Variants in VPS50 observed in about 807,000 individuals in gnomAD.
VPS50 encodes VPS50 subunit of EARP/GARPII complex, also known as syndetin.
In VPS50, 70 loss-of-function variants were observed where a neutral mutation model predicts 139.7. The observed-to-expected ratio is 0.50, with a 90% confidence interval of 0.41 to 0.61. VPS50 has a LOEUF of 0.61. VPS50 is among the 20% of genes least tolerant of loss of function. The pLI, the probability that VPS50 is intolerant of heterozygous loss-of-function variation, is 0.00. For synonymous variants in VPS50, 365 were observed against 376.7 expected (o/e 0.97, Z 0.36); for missense variants, 921 against 1,133.7 (o/e 0.81, Z 2.69).
chr7:93,314,154 T>C (rs1307070137), intron 20 of VPS50, among the ~76,000 whole-genome samples: 1 of 152,224 alleles, frequency 6.6e-6, no homozygotes, highest in African/African-American at 2.4e-5. Context: ...GCAGAGGTCA[T>C]GCTTCTTCCT....
chr7:93,354,231 T>G (rs915073797), intron 26 of VPS50, among the ~76,000 whole-genome samples: 5 of 152,110 alleles, frequency 3.3e-5, no homozygotes, highest in African/African-American at 1.2e-4. Context: ...GTTAGGTAAC[T>G]TATCTAAGTT....
intron 12 of VPS50, among the ~76,000 whole-genome samples, chr7:93,282,447 G>A (rs1036930716): frequency 6.6e-6 from 1 of 152,094 alleles, no homozygotes; most frequent in Admixed American, 6.5e-5. Flanking sequence ...AAATGAAATT[G>A]CATTGTCTGT....
intron 21 of VPS50, among the ~76,000 whole-genome samples, chr7:93,325,322 T>C (rs996824033): frequency 1.1e-4 from 17 of 152,212 alleles, no homozygotes; most frequent in South Asian, 6.2e-4. Context: ...AAGACTTAAA[T>C]GTTAGACCTA....
intron 9 of VPS50, among the ~76,000 whole-genome samples, chr7:93,268,192 C>A (rs1055306445): frequency 1.3e-5 from 2 of 152,152 alleles, no homozygotes; most frequent in African/African-American, 4.8e-5. Context: ...TGAAGTTAGA[C>A]CCCTGCTCAG....
intron 3 of VPS50, among the ~76,000 whole-genome samples, chr7:93,253,497 G>C (rs1456095915): frequency 6.6e-6 from 1 of 152,248 alleles, no homozygotes; most frequent in Non-Finnish European, 1.5e-5. Flanking sequence ...GTGGATGGTA[G>C]AGTTGGGGTT....
chr7:93,256,071 C>T (rs988249364), intron 4 of VPS50, among the ~76,000 whole-genome samples: 23 of 152,290 alleles, frequency 1.5e-4, no homozygotes, highest in Non-Finnish European at 2.5e-4. Context: ...ACTTGCTTGT[C>T]TTCTTAGGCA....
intron 9 of VPS50, among the ~76,000 whole-genome samples, chr7:93,265,694 A>G (rs1034290591): frequency 2.0e-5 from 3 of 152,012 alleles, no homozygotes; most frequent in African/African-American, 7.3e-5. Context: ...CCTCCTGAGT[A>G]GCTGGGACTA....
intron 20 of VPS50, among the ~76,000 whole-genome samples, chr7:93,322,143 G>T (rs1187323035): frequency 6.6e-6 from 1 of 152,144 alleles, no homozygotes; most frequent in African/African-American, 2.4e-5. Context: ...ATTTGTATTT[G>T]TGTTTCTCTT....
chr7:93,268,832 G>A (rs143171908), intron 9 of VPS50, among the ~76,000 whole-genome samples: 1 of 152,266 alleles, frequency 6.6e-6, no homozygotes, highest in African/African-American at 2.4e-5. Context: ...ACACGTGCAT[G>A]TATCTTTATA....
chr7:93,263,962 C>T lies in VPS50; in HGVS notation c.659+4330C>T, dbSNP rs371050225. 7.9e-5 allele frequency among the ~76,000 whole-genome samples: 12 copies of T among 152,198 alleles called. No homozygotes were observed. The East Asian group carries it at 1.7e-3, about 22-fold the overall frequency. ...TTACATACATTTGCATTGTATTAGA[C>T]ATTATAAGTAATCAAGATGATTTAA... On this transcript the variant is annotated intron_variant, in intron 9 of 27. Coordinates refer to ENST00000305866, the MANE Select transcript of VPS50 (RefSeq NM_017667.4).
In VPS50 at chr7:93,232,477, A is replaced by C; in HGVS notation, c.10A>C (p.Ile4Leu). Residue 4 changes from isoleucine to leucine, a missense_variant, in exon 1 of 28, where the codon ATC (isoleucine) becomes CTC (leucine). Physicochemically the swap from Ile to Leu is conservative, Grantham distance 5. Coordinates refer to ENST00000305866, the MANE Select transcript of VPS50 (RefSeq NM_017667.4). ...TCCTCAGGATTTCGATATGCAAAAA[A>C]TCAAATCTCTCATGACCCGACAGGT... MQK[I>L]KSLMTRQGLK... 1 of 1,613,726 alleles carries C rather than the reference A, an allele frequency of 6.2e-7. No individual in the cohort carries two copies. Among genetic ancestry groups the C allele is most frequent in the Non-Finnish European group, 8.5e-7 (1 of 1,179,728 alleles).
chr7:93,293,655 G>A (rs190582761), intron 13 of VPS50, among the ~76,000 whole-genome samples: 1 of 152,300 alleles, frequency 6.6e-6, no homozygotes, highest in East Asian at 1.9e-4. Flanking sequence ...TTTATCTGCT[G>A]TATCTCTTTA....
rs1480317311 is a variant in VPS50, at chr7:93,263,648, C to G, written c.659+4016C>G. 4.6e-5 allele frequency among the ~76,000 whole-genome samples: 7 copies of G among 152,156 alleles called. No homozygotes were observed. In the East Asian group the frequency reaches 1.3e-3, roughly 29 times the overall value. ...CTGAGATGGAAAAACTTAGGACTGACTCTTATGATTCTGAAAATAGGAAAA... is the reference window on the plus strand; with the variant it reads ...CTGAGATGGAAAAACTTAGGACTGAGTCTTATGATTCTGAAAATAGGAAAA... On this transcript the variant is annotated intron_variant, in intron 9 of 27. Transcript: ENST00000305866.
chr7:93,315,911 C>T (rs1310598979), intron 20 of VPS50, among the ~76,000 whole-genome samples: 1 of 149,572 alleles, frequency 6.7e-6, no homozygotes, highest in Admixed American at 6.7e-5. Context: ...AAACCATAGT[C>T]TTTGTACTTT....
intron 5 of VPS50, 93 bp downstream of exon 5, chr7:93,256,655 T>C (rs1365791735): frequency 8.7e-6 from 6 of 687,840 alleles, no homozygotes; most frequent in Non-Finnish European, 1.4e-5. Context: ...TTTTTGTCAA[T>C]AATTCTGTAG....
chr7:93,244,790 T>C (rs1584380288), intron 2 of VPS50, among the ~76,000 whole-genome samples: 1 of 151,836 alleles, frequency 6.6e-6, no homozygotes, highest in African/African-American at 2.4e-5. Flanking sequence ...CAGGTGGTAC[T>C]AAGGGAGACT....
intron 9 of VPS50, among the ~76,000 whole-genome samples, chr7:93,263,765 T>C (rs925856483): frequency 1.3e-5 from 2 of 152,206 alleles, no homozygotes; most frequent in Non-Finnish European, 2.9e-5. Context: ...ATACATGAAA[T>C]GCCAAGTATA....
Position 93,298,594 on chromosome 7 carries a change from T to G in VPS50, c.1361+1351T>G, listed in dbSNP as rs371461764. ...GTGTGTACAATATAGAGACACTGATTTATTTAGTAGCTTCCATTCTGCATT... is the reference window on the plus strand; with the variant it reads ...GTGTGTACAATATAGAGACACTGATGTATTTAGTAGCTTCCATTCTGCATT... On this transcript the variant is annotated intron_variant, in intron 16 of 27. Transcript: ENST00000305866. Among the ~76,000 whole-genome samples, 12 of 152,320 alleles carry G rather than the reference T, an allele frequency of 7.9e-5. No homozygotes were observed. In the East Asian group the frequency reaches 9.6e-4, roughly 12 times the overall value.
intron 24 of VPS50, 80 bp from the exon 25 acceptor site, chr7:93,349,795 T>C: frequency 9.7e-7 from 1 of 1,028,126 alleles, no homozygotes; most frequent in East Asian, 2.5e-5. Context: ...TGATATATAC[T>C]GGAAACAGGG....
Sources: allele counts gnomAD v4.1 joint callset (sites outside exome capture counted in the v4.1 genomes callset), GRCh38; gene constraint gnomAD v4.1.1; transcripts MANE v1.5; gene names NCBI Gene and HGNC (gene_info 2026-07-23, HGNC 2026-07-21).